GLI2: variants seen among roughly 807,000 people sequenced by gnomAD.
The protein encoded by GLI2 is transcription activator GLI2.
GLI2 carries 22 observed loss-of-function variants against 78.9 expected under a neutral mutation model. The observed-to-expected ratio is 0.28, with a 90% CI of 0.20 to 0.40. The LOEUF (loss-of-function observed/expected upper bound fraction) is 0.40. Ranked by LOEUF, GLI2 falls within the 10% of genes least tolerant of loss-of-function variation. The pLI is 1.00. For synonymous variants in GLI2, 974 were observed against 963.7 expected (o/e 1.01, Z -0.20); for missense variants, 2,097 against 2,213.2 (o/e 0.95, Z 1.05).
chr2:120,855,337 C>T (rs543259224), intron 2 of GLI2, among the ~76,000 whole-genome samples: 15 of 152,222 alleles, frequency 9.9e-5, no homozygotes, highest in African/African-American at 3.1e-4. Flanking sequence ...AGCCAGTGAG[C>T]GAGCCACTCA....
chr2:120,925,937 G>C (rs554420239), intron 2 of GLI2, among the ~76,000 whole-genome samples: 1 of 152,130 alleles, frequency 6.6e-6, no homozygotes, highest in South Asian at 2.1e-4. Context: ...GCCGGGCGTG[G>C]TGTCGGGCAC....
rs1682991966 is a variant in GLI2, at chr2:120,986,599, C to G, written c.2227C>G (p.Pro743Ala). ...ACACACGCGGAACACCAAGCTGCCT[C>G]CCCTCCCGGGAAGTGGTGAGTAAAG... ...TPHTRNTKLP[P>A]LPGSGSILEN... Residue 743 changes from proline (P) to alanine (A), a missense_variant, in exon 13 of 14, where the codon CCC (proline) becomes GCC (alanine). By Grantham distance (27) the Pro-to-Ala change is conservative. This residue lies in a region of GLI2 where 1,290 missense variants were observed against 1,261.7 expected (regional missense o/e 1.02). Coordinates refer to ENST00000361492, the MANE Select transcript of GLI2 (RefSeq NM_001374353.1). The G allele has an allele frequency of 1.2e-6, 2 of 1,613,874 alleles. No individual in the cohort carries two copies. Among genetic ancestry groups the G allele is most frequent in the Non-Finnish European group, 1.7e-6 (2 of 1,179,946 alleles).
Position 120,736,252 on chromosome 2 carries a change from C to A in GLI2, c.-64C>A, listed in dbSNP as rs2104614130. 1 of 152,232 alleles carries A rather than the reference C, an allele frequency of 6.6e-6. No individual in the cohort carries two copies. The highest frequency in any genetic ancestry group is 6.5e-5 in the Admixed American group (1 of 15,302). 9.4% of individuals were successfully genotyped at this position (152,232 alleles called of 1,614,324 possible). A position where few individuals can be genotyped will look rare whatever the true frequency, so the allele number is the denominator to read the frequency against. On this transcript the variant is annotated 5_prime_UTR_variant, in exon 1 of 14. Coordinates refer to ENST00000361492, the MANE Select transcript of GLI2 (RefSeq NM_001374353.1). ...CCACCGCCCGGCGCCCGAGAGGCCA[C>A]CTGCGTGCTAGAGGCAAACTTTTGT...
At chr2:120,747,567 C>T (rs1381275744) in intron 1 of GLI2, among the ~76,000 whole-genome samples, 2 of 152,192 alleles carry the variant, frequency 1.3e-5, no homozygotes, top group Non-Finnish European at 2.9e-5. Context: ...TGTCTGGAGA[C>T]ATTTTTGGTT....
intron 3 of GLI2, among the ~76,000 whole-genome samples, chr2:120,942,750 C>T (rs1680512010): frequency 6.6e-6 from 1 of 152,220 alleles, no homozygotes; most frequent in Non-Finnish European, 1.5e-5. Flanking sequence ...CCCATGTCTT[C>T]TGCAGTAGTG....
rs543441244 is a variant in GLI2, at chr2:120,955,787, T to TG, written c.643+361dup. Among the ~76,000 whole-genome samples the TG allele has an allele frequency of 1.1e-3, 163 of 150,330 alleles. 1 individual carries two copies. Among genetic ancestry groups the TG allele is most frequent in the Admixed American group, 1.7e-3 (25 of 15,138 alleles). ...GCGGGGGGAGCGAGCACTGGGTGAG[T>TG]GGGGTGCAGTTTGGAATGGGGAAGT... On this transcript the variant is annotated intron_variant, in intron 5 of 13. Transcript: ENST00000361492.
At chr2:120,851,115 G>A (rs1251294844) in intron 2 of GLI2, among the ~76,000 whole-genome samples, 2 of 152,106 alleles carry the variant, frequency 1.3e-5, no homozygotes, top group Non-Finnish European at 2.9e-5. Flanking sequence ...AAAATCATAT[G>A]CAGGATTGCT....
Position 120,989,380 on chromosome 2 carries a change from G to A in GLI2, c.3415G>A (p.Ala1139Thr), listed in dbSNP as rs3738880. ...TGAGGTGAGCTCCGGCACCGTAGACGCCCTGGCCAGCCAGGTGAAGCCTCC... is the reference window on the plus strand; with the variant it reads ...TGAGGTGAGCTCCGGCACCGTAGACACCCTGGCCAGCCAGGTGAAGCCTCC... ...WNEVSSGTVDALASQVKPPPF... is the reference protein window; with the variant it reads ...WNEVSSGTVDTLASQVKPPPF... Residue 1139 changes from alanine to threonine, a missense_variant, in exon 14 of 14, where the codon GCC (alanine) becomes ACC (threonine). By Grantham distance (58) the Ala-to-Thr change is moderately conservative. Around this residue, in one of 5 missense-constraint regions of GLI2, gnomAD observed 1,290 missense variants for 1,261.7 expected, o/e 1.02. Transcript: ENST00000361492. 2 of 1,612,772 alleles carry A rather than the reference G, an allele frequency of 1.2e-6. No individual in the cohort carries two copies. Among genetic ancestry groups the A allele is most frequent in the African/African-American group, 1.3e-5 (1 of 74,990 alleles).
At chr2:120,898,115 AC>A in intron 2 of GLI2, among the ~76,000 whole-genome samples, 3 of 148,280 alleles carry the variant, frequency 2.0e-5, no homozygotes, top group South Asian at 2.2e-4. Context: ...GTTTCCATCC[AC>A]CCCCTACTCC....
chr2:120,914,025 G>C (rs1678967598), intron 2 of GLI2, among the ~76,000 whole-genome samples: 2 of 152,254 alleles, frequency 1.3e-5, no homozygotes, highest in Non-Finnish European at 2.9e-5. Context: ...GAAGGGGCTG[G>C]ATGCTAGTTA....
At chr2:120,877,695 G>A (rs1021457525) in intron 2 of GLI2, among the ~76,000 whole-genome samples, 4 of 152,182 alleles carry the variant, frequency 2.6e-5, no homozygotes, top group African/African-American at 7.2e-5. Context: ...ACCTGTAGTC[G>A]TGGTTTGCTC....
chr2:120,819,816 G>A (rs576899592), intron 2 of GLI2, among the ~76,000 whole-genome samples: 1 of 152,302 alleles, frequency 6.6e-6, no homozygotes, highest in East Asian at 1.9e-4. Context: ...TGCAAGGACA[G>A]CATCTTAGTG....
At chr2:120,906,940 C>A (rs1678564528) in intron 2 of GLI2, among the ~76,000 whole-genome samples, 1 of 152,190 alleles carries the variant, frequency 6.6e-6, no homozygotes, top group Non-Finnish European at 1.5e-5. Flanking sequence ...CCATCTGTCA[C>A]CCAGTGGTCA....
rs192861700 is a variant in GLI2, at chr2:120,835,467, C to A, written c.148+37999C>A. ...GTGGCATGATTTCGGCTCAGTGCAA[C>A]CCCCGTCTCCTGGGTTCCGGAGATT... On this transcript the variant is annotated intron_variant, in intron 2 of 13. Coordinates refer to ENST00000361492, the MANE Select transcript of GLI2 (RefSeq NM_001374353.1). 5.0e-3 allele frequency among the ~76,000 whole-genome samples: 753 copies of A among 150,594 alleles called. 3 individuals carry two copies. The highest frequency in any genetic ancestry group is 6.9e-3 in the Non-Finnish European group (467 of 67,818).
Position 120,988,789 on chromosome 2 carries a change from C to A in GLI2, c.2824C>A (p.His942Asn). The change falls in exon 14 of 14, where the codon CAC becomes AAC. Residue 942 changes from histidine (H) to asparagine (N), a missense_variant. His to Asn is a moderately conservative substitution (Grantham distance 68, BLOSUM62 1). Coordinates refer to ENST00000361492, the MANE Select transcript of GLI2 (RefSeq NM_001374353.1). ...GHAGAAPAFP[H>N]EAPGGGARRA... ...CGCGGGGGCTGCGCCCGCCTTCCCC[C>A]ACGAGGCTCCAGGCGGCGGAGCCAG... The A allele has an allele frequency of 7.3e-7, 1 of 1,364,928 alleles. No individual in the cohort carries two copies. Among genetic ancestry groups the A allele is most frequent in the Non-Finnish European group, 9.4e-7 (1 of 1,058,698 alleles). 84.6% of individuals were successfully genotyped at this position (1,364,928 alleles called of 1,614,324 possible).
intron 3 of GLI2, among the ~76,000 whole-genome samples, chr2:120,927,754 T>C (rs1032876635): frequency 2.0e-5 from 3 of 152,254 alleles, no homozygotes; most frequent in African/African-American, 7.2e-5. Context: ...TCTTCATCCA[T>C]GAAGTGGGAA....
At chr2:120,796,414 G>A (rs1028408866) in intron 1 of GLI2, among the ~76,000 whole-genome samples, 6 of 152,096 alleles carry the variant, frequency 3.9e-5, no homozygotes, top group African/African-American at 1.4e-4. Context: ...TTTTACACCC[G>A]GAGTCAGTCC....
intron 2 of GLI2, among the ~76,000 whole-genome samples, chr2:120,871,874 C>A (rs909217663): frequency 2.0e-5 from 3 of 152,170 alleles, no homozygotes; most frequent in African/African-American, 7.2e-5. Flanking sequence ...CAGAGCCGGG[C>A]CCATTTATTA....
At chr2:120,841,479 G>A (rs1162221207) in intron 2 of GLI2, among the ~76,000 whole-genome samples, 2 of 152,198 alleles carry the variant, frequency 1.3e-5, no homozygotes, top group African/African-American at 4.8e-5. Context: ...ATCCTTATCA[G>A]TGAACTGCTA....
Sources: allele counts gnomAD v4.1 joint callset (sites outside exome capture counted in the v4.1 genomes callset), GRCh38; gene constraint gnomAD v4.1.1; regional missense constraint gnomAD v4.1.1; transcripts MANE v1.5; gene names NCBI Gene and HGNC (gene_info 2026-07-23, HGNC 2026-07-21).